ITSN1: variants seen among roughly 807,000 people sequenced by gnomAD.
The protein encoded by ITSN1 is intersectin-1.
A neutral mutation model predicts 239.8 loss-of-function variants in ITSN1; 58 were observed. The ratio of observed to expected loss-of-function variants is 0.24; its 90% CI spans 0.20 to 0.30. The LOEUF is 0.30. Among genes scored for constraint, ITSN1 ranks in the 10% least tolerant of loss-of-function variants. The pLI is 1.00. For missense variants in ITSN1, 1,558 were observed against 2,103.3 expected (o/e 0.74, Z 5.07); for synonymous variants, 780 against 770.8 (o/e 1.01, Z -0.20).
At chr21:33,757,745 A>G (rs2068024661) in intron 8 of ITSN1, among the ~76,000 whole-genome samples, 1 of 152,212 alleles carries the variant, frequency 6.6e-6, no homozygotes, top group African/African-American at 2.4e-5. Flanking sequence ...AAATATCAAG[A>G]AAGTTGAGAA....
At chr21:33,750,104 A>G (rs759863307) in intron 5 of ITSN1, 39 bp from the exon 6 acceptor site, 15 of 1,589,702 alleles carry the variant, frequency 9.4e-6, no homozygotes, top group Middle Eastern at 1.7e-4. Flanking sequence ...TTGAAATGTG[A>G]TTGGATGTGA....
At position 33,660,784 on chromosome 21, in the gene ITSN1, C is replaced by T. The variant is rs117168734; in HGVS notation, c.-33+18071C>T. On this transcript the variant is annotated intron_variant, in intron 1 of 39. Transcript: ENST00000381318. ...TTGGTTGCAGTGTAGAATCTGAAGTCATATAAGTGAACTTTTTATCCTCTG... is the reference window on the plus strand; with the variant it reads ...TTGGTTGCAGTGTAGAATCTGAAGTTATATAAGTGAACTTTTTATCCTCTG... 8.4e-3 allele frequency among the ~76,000 whole-genome samples: 1,273 copies of T among 152,262 alleles called. 7 individuals are homozygous for T. The highest frequency in any genetic ancestry group is 0.014 in the Middle Eastern group (4 of 294).
At chr21:33,838,093 C>A (rs1289296765) in intron 29 of ITSN1, 1 of 985,690 alleles carries the variant, frequency 1.0e-6, no homozygotes, top group Non-Finnish European at 1.2e-6. Flanking sequence ...AAATGGAGCT[C>A]ATGGTCCGTT....
At chr21:33,659,411 G>A (rs1023189990) in intron 1 of ITSN1, among the ~76,000 whole-genome samples, 3 of 152,152 alleles carry the variant, frequency 2.0e-5, no homozygotes, top group Admixed American at 6.5e-5. Context: ...TTTGTAGTCA[G>A]CCTGGCAGAA....
intron 14 of ITSN1, among the ~76,000 whole-genome samples, chr21:33,780,505 A>G (rs1236672430): frequency 1.3e-5 from 2 of 152,144 alleles, no homozygotes; most frequent in Admixed American, 1.3e-4. Context: ...GATGCTTCTA[A>G]ATTCTAGCTA....
At chr21:33,690,363 G>A (rs560385105) in intron 1 of ITSN1, among the ~76,000 whole-genome samples, 15 of 152,120 alleles carry the variant, frequency 9.9e-5, no homozygotes, top group Non-Finnish European at 1.8e-4. Flanking sequence ...ACTTTGGGAG[G>A]CTGAGGCAGG....
intron 19 of ITSN1, among the ~76,000 whole-genome samples, chr21:33,800,691 G>A (rs886123478): frequency 6.6e-6 from 1 of 151,678 alleles, no homozygotes; most frequent in African/African-American, 2.4e-5. Context: ...AGACATGGTT[G>A]ATCTAAATCA....
rs1222285393 is a variant in ITSN1 at position 33,895,102 on chromosome 21, C to G, written c.*6802C>G. 1 of 152,310 alleles carries G rather than the reference C, an allele frequency of 6.6e-6. No individual in the cohort carries two copies. The highest frequency in any genetic ancestry group is 1.5e-5 in the Non-Finnish European group (1 of 68,140). The allele number at this position is 152,310 out of a possible 1,614,324, so 9.4% of individuals were successfully genotyped here. A position where few individuals can be genotyped will look rare whatever the true frequency, so the allele number is the denominator to read the frequency against. On this transcript the variant is annotated 3_prime_UTR_variant, in exon 40 of 40. Transcript: ENST00000381318. ...GGGTGGGAAGGAAGCTCGCGGCGAG[C>G]CTAGGGTTCAAGCCTAGCGCGCCAG...
Position 33,818,276 on chromosome 21 carries a change from G to A in ITSN1, c.2737G>A (p.Val913Met), listed in dbSNP as rs1331564845. The stretch of plus-strand genomic sequence containing the variant: ...TGTTATTCCACACAAGGGTGAAAAG[G>A]TGGAGGGGCTACAAGCTCAAGCCCT... ...PSPVLGQGEK[V>M]EGLQAQALYP... Residue 913 changes from valine to methionine, a missense_variant, in exon 23 of 40, where the codon GTG becomes ATG. Transcript: ENST00000381318. 1 of 1,614,148 alleles carries A rather than the reference G, an allele frequency of 6.2e-7. No homozygotes were observed. Among genetic ancestry groups the A allele is most frequent in the Admixed American group, 1.7e-5 (1 of 60,028 alleles).
intron 5 of ITSN1, chr21:33,735,481 G>GTTTT: frequency 3.8e-6 from 1 of 261,428 alleles, no homozygotes; most frequent in Non-Finnish European, 7.1e-6. Flanking sequence ...CAGCTTCTGG[G>GTTTT]TTTTTTTTTT....
At chr21:33,851,028 G>T in intron 29 of ITSN1, among the ~76,000 whole-genome samples, 1 of 152,180 alleles carries the variant, frequency 6.6e-6, no homozygotes, top group Non-Finnish European at 1.5e-5. Flanking sequence ...AAAGGGAAAG[G>T]TAGATCCTTT....
chr21:33,818,852 T>C (rs1316904112), intron 23 of ITSN1, among the ~76,000 whole-genome samples: 2 of 152,258 alleles, frequency 1.3e-5, no homozygotes, highest in Non-Finnish European at 2.9e-5. Flanking sequence ...AAGGACTTAA[T>C]TGTCTTTTTC....
intron 4 of ITSN1, among the ~76,000 whole-genome samples, chr21:33,731,005 A>T (rs1460392672): frequency 1.3e-5 from 2 of 152,188 alleles, no homozygotes; most frequent in Non-Finnish European, 2.9e-5. Context: ...CGTAACTACC[A>T]TATTTCCATA....
At chr21:33,858,311 G>C (rs565391610) in intron 30 of ITSN1, among the ~76,000 whole-genome samples, 1 of 152,302 alleles carries the variant, frequency 6.6e-6, no homozygotes, top group African/African-American at 2.4e-5. Flanking sequence ...CACAGCCACC[G>C]GCACCTTTAA....
chr21:33,890,092 C>T lies in ITSN1; in HGVS notation c.*1792C>T, dbSNP rs1986258341. Reference sequence around the variant, plus strand: ...CATGCATTTGTTTACCATTTCCCAGCAGAAAACATGGTTAAAATACTTTAA... The same window carrying T: ...CATGCATTTGTTTACCATTTCCCAGTAGAAAACATGGTTAAAATACTTTAA... On this transcript the variant is annotated 3_prime_UTR_variant, in exon 40 of 40. Coordinates refer to ENST00000381318, the MANE Select transcript of ITSN1 (RefSeq NM_003024.3). 1.3e-5 allele frequency: 2 copies of T among 152,160 alleles called. No individual in the cohort carries two copies. Among genetic ancestry groups the T allele is most frequent in the Admixed American group, 6.5e-5 (1 of 15,268 alleles). 9.4% of individuals were successfully genotyped at this position (152,160 alleles called of 1,614,324 possible).
In ITSN1 at chr21:33,679,798, T is replaced by TGCCATTCTCCTGCCTCAGCCTCCC. The variant is rs1174791650; in HGVS notation, c.-33+37086_-33+37109dup. Reference sequence around the variant, plus strand: ...CTGCAAGCTCCGCCTCCCAGGTTCATGCCATTCTCCTGCCTCAGCCTCCCA... The same window carrying TGCCATTCTCCTGCCTCAGCCTCCC: ...CTGCAAGCTCCGCCTCCCAGGTTCATGCCATTCTCCTGCCTCAGCCTCCCGCCATTCTCCTGCCTCAGCCTCCCA... On this transcript the variant is annotated intron_variant, in intron 1 of 39. Transcript: ENST00000381318. Among the ~76,000 whole-genome samples the TGCCATTCTCCTGCCTCAGCCTCCC allele has an allele frequency of 1.7e-3, 242 of 142,096 alleles. 1 individual carries two copies. Among genetic ancestry groups the TGCCATTCTCCTGCCTCAGCCTCCC allele is most frequent in the Non-Finnish European group, 2.3e-3 (149 of 65,850 alleles). The allele number at this position is 142,096 out of a possible 152,430, so 93.2% of individuals were successfully genotyped here.
intron 28 of ITSN1, among the ~76,000 whole-genome samples, chr21:33,836,047 TA>T (rs2074582823): frequency 6.6e-6 from 1 of 152,158 alleles, no homozygotes; most frequent in Non-Finnish European, 1.5e-5. Context: ...AAAATGATAG[TA>T]AAGTCCCCAT....
At chr21:33,869,623 C>T (rs1490912597) in intron 33 of ITSN1, among the ~76,000 whole-genome samples, 1 of 152,228 alleles carries the variant, frequency 6.6e-6, no homozygotes, top group Non-Finnish European at 1.5e-5. Context: ...TCAGTGTCCC[C>T]ACCTGTAAAA....
At chr21:33,748,776 G>A (rs1467172284) in intron 5 of ITSN1, among the ~76,000 whole-genome samples, 2 of 151,838 alleles carry the variant, frequency 1.3e-5, no homozygotes, top group East Asian at 1.9e-4. Flanking sequence ...GAGCTGGGAC[G>A]ATCGCTTGAG....
Sources: allele counts gnomAD v4.1 joint callset (sites outside exome capture counted in the v4.1 genomes callset), GRCh38; gene constraint gnomAD v4.1.1; transcripts MANE v1.5; gene names NCBI Gene and HGNC (gene_info 2026-07-23, HGNC 2026-07-21).